The following DCTN1 variants were observed in gnomAD, a reference collection of about 807,000 sequenced individuals.
DCTN1 encodes 150 kDa dynein-associated polypeptide.
DCTN1 carries 61 observed loss-of-function variants against 161.2 expected under a neutral mutation model. The ratio of observed to expected loss-of-function variants is 0.38; its 90% CI spans 0.31 to 0.47. DCTN1 has a LOEUF of 0.47. DCTN1 is among the 20% of genes least tolerant of loss of function. The pLI is 0.99. For missense variants in DCTN1, 1,404 were observed against 1,623.7 expected (o/e 0.86, Z 2.33); for synonymous variants, 653 against 632.4 (o/e 1.03, Z -0.49).
Position 74,380,234 on chromosome 2 carries a change from G to A in DCTN1, c.-197C>T. 4.6e-6 allele frequency: 3 copies of A among 658,430 alleles called. No individual in the cohort carries two copies. The highest frequency in any genetic ancestry group is 2.2e-5 in the Admixed American group (1 of 45,428). The allele number at this position is 658,430 out of a possible 1,614,324, so 40.8% of individuals were successfully genotyped here. On this transcript the variant is annotated 5_prime_UTR_variant, in exon 1 of 32. Transcript: ENST00000628224. ...TGGGGGCAGTGATGGGGGCTGAGGA[G>A]CAAGTCCCCTCTGCTGCCTGAGGAT...
intron 5 of DCTN1, chr2:74,374,597 C>A (rs752169376): frequency 1.2e-5 from 15 of 1,275,140 alleles, no homozygotes; most frequent in African/African-American, 1.5e-5. Flanking sequence ...GCAGCTGGAT[C>A]GCCAGGCTCC....
In DCTN1 at chr2:74,388,067, A is replaced by G. The variant is rs1054448953; in HGVS notation, c.-19+3727T>C. 2.6e-5 allele frequency among the ~76,000 whole-genome samples: 4 copies of G among 152,154 alleles called. No individual in the cohort carries two copies. In the East Asian group the frequency reaches 5.8e-4, roughly 22 times the overall value. On this transcript the variant is annotated intron_variant, in intron 1 of 27. Transcript: ENST00000409240. Reference sequence around the variant, plus strand: ...GGGTGTGGTGGTGGTGCATGCCTATAGTACCAGTTACTCAGGAGGCTAAGT... The same window carrying G: ...GGGTGTGGTGGTGGTGCATGCCTATGGTACCAGTTACTCAGGAGGCTAAGT...
chr2:74,365,630 G>A lies in DCTN1; in HGVS notation c.2914C>T (p.Arg972Trp), dbSNP rs756183069. 2 of 1,613,978 alleles carry A rather than the reference G, an allele frequency of 1.2e-6. No individual in the cohort carries two copies. ...KGEELSEANV[R>W]LSLLEKKLDS... Reference sequence around the variant, plus strand: ...AACTTCTTCTCCAGGAGGCTCAGCCGCACATTGGCCTCACTTAGCTCCTCT... The same window carrying A: ...AACTTCTTCTCCAGGAGGCTCAGCCACACATTGGCCTCACTTAGCTCCTCT... Residue 972 changes from arginine (R) to tryptophan (W), a missense_variant, in exon 25 of 32, where the codon CGG (arginine) becomes TGG (tryptophan). Physicochemically the swap from Arg to Trp is moderately radical, Grantham distance 101. Transcript: ENST00000628224.
rs1320683363 is a variant in DCTN1 at position 74,366,577 on chromosome 2, A to G, written c.2510T>C (p.Val837Ala). Residue 837 changes from valine to alanine, a missense_variant, in exon 22 of 32, where the codon GTC becomes GCC. Coordinates refer to ENST00000628224, the MANE Select transcript of DCTN1 (RefSeq NM_004082.5). ...TGCCACCTCCTGCAGCACAGCCACG[A>G]CCCACGTCAAGTGTTTCCTGCAGTC... ...LLDCRKHLTWVVAVLQEVAAA... is the reference protein window; with the variant it reads ...LLDCRKHLTWAVAVLQEVAAA... 2 of 1,613,278 alleles carry G rather than the reference A, an allele frequency of 1.2e-6. No individual in the cohort carries two copies. Among genetic ancestry groups the G allele is most frequent in the Admixed American group, 3.3e-5 (2 of 60,002 alleles).
Position 74,361,161 on chromosome 2 carries a change from A to T in DCTN1, c.*338T>A, listed in dbSNP as rs562207772. 2.3e-6 allele frequency: 1 copy of T among 428,874 alleles called. No individual in the cohort carries two copies. The highest frequency in any genetic ancestry group is 1.9e-5 in the South Asian group (1 of 53,684). The allele number at this position is 428,874 out of a possible 1,614,324, so 26.6% of individuals were successfully genotyped here. A position where few individuals can be genotyped will look rare whatever the true frequency, so the allele number is the denominator to read the frequency against. Reference sequence around the variant, plus strand: ...CTCAACACCACACAGGAAGCACTGAAGCAGAAGTTGCTTTAATCAAGGGGT... The same window carrying T: ...CTCAACACCACACAGGAAGCACTGATGCAGAAGTTGCTTTAATCAAGGGGT... On this transcript the variant is annotated 3_prime_UTR_variant, in exon 32 of 32. Coordinates refer to ENST00000628224, the MANE Select transcript of DCTN1 (RefSeq NM_004082.5).
chr2:74,379,935 A>G, intron 1 of DCTN1, 70 bp downstream of exon 1: 1 of 1,502,078 alleles, frequency 6.7e-7, no homozygotes, highest in South Asian at 1.1e-5. Flanking sequence ...CCCCCACAGC[A>G]ATGATGTCCA....
Position 74,370,703 on chromosome 2 carries a change from C to G in DCTN1, c.966G>C (p.Gln322His), listed in dbSNP as rs1674773970. 1 of 1,614,116 alleles carries G rather than the reference C, an allele frequency of 6.2e-7. No homozygotes were observed. Among genetic ancestry groups the G allele is most frequent in the African/African-American group, 1.3e-5 (1 of 74,936 alleles). ...GCTCCTTCAGTGCCTCCACCTCCTG[C>G]TGCAGGGACTCAGCCCGCTCTTCAG... Reference protein sequence around the residue: ...EMAEERAESLQQEVEALKERV... With the variant: ...EMAEERAESLHQEVEALKERV... The change falls in exon 10 of 32, where the codon CAG becomes CAC. Residue 322 changes from glutamine to histidine, a missense_variant. Transcript: ENST00000628224. This position sits in a 1 kb window ranked among gnomAD's most constrained non-coding sequence, Gnocchi z 4.4.
chr2:74,375,941 T>C (rs957046393), intron 5 of DCTN1, among the ~76,000 whole-genome samples: 3 of 152,082 alleles, frequency 2.0e-5, no homozygotes, highest in Admixed American at 1.3e-4. Context: ...GACAAGGAAA[T>C]CACAGAATTG....
intron 30 of DCTN1, 83 bp downstream of exon 30, chr2:74,362,567 G>A: frequency 7.0e-7 from 1 of 1,426,100 alleles, no homozygotes; most frequent in Non-Finnish European, 9.7e-7. Context: ...CTAGCACAGG[G>A]CTGGGCTCAG....
At chr2:74,380,316 T>C, upstream of DCTN1, 1 of 569,208 alleles carries the variant, frequency 1.8e-6, no homozygotes, top group Non-Finnish European at 3.3e-6. Flanking sequence ...CACTCTGCGC[T>C]AGTGCTGCTC....
At position 74,366,009 on chromosome 2, in the gene DCTN1, C is replaced by T; in HGVS notation, c.2770G>A (p.Val924Ile). The change falls in exon 24 of 32, where the codon GTT becomes ATT. Residue 924 changes from valine (V) to isoleucine (I), a missense_variant. Val to Ile is a conservative substitution (Grantham distance 29). Around this residue, in one of 9 missense-constraint regions of DCTN1, gnomAD observed 475 missense variants for 489.8 expected, o/e 0.97. Transcript: ENST00000628224. Reference sequence around the variant, plus strand: ...CGAAGGGCAGCAGCCCGCAGTTCAACCGGTGGAGGCTAAGGAATGGTCGGT... The same window carrying T: ...CGAAGGGCAGCAGCCCGCAGTTCAATCGGTGGAGGCTAAGGAATGGTCGGT... Reference protein sequence around the residue: ...AERPPSKPPPVELRAAALRAE... With the variant: ...AERPPSKPPPIELRAAALRAE... The T allele has an allele frequency of 6.2e-7, 1 of 1,614,254 alleles. No individual in the cohort carries two copies. The highest frequency in any genetic ancestry group is 8.5e-7 in the Non-Finnish European group (1 of 1,180,050).
chr2:74,377,588 G>C (rs1325768041), intron 3 of DCTN1, 60 bp downstream of exon 3: 1 of 1,541,428 alleles, frequency 6.5e-7, no homozygotes, highest in Non-Finnish European at 9.0e-7. Context: ...ATGTTATGAG[G>C]AGAAGTCCTG....
intron 6 of DCTN1, 42 bp from the exon 7 acceptor site, chr2:74,372,990 G>C: frequency 6.2e-7 from 1 of 1,603,456 alleles, no homozygotes; most frequent in South Asian, 1.1e-5. Context: ...AGTCAGGAAA[G>C]AAAGGACAAT....
intron 5 of DCTN1, among the ~76,000 whole-genome samples, chr2:74,375,076 C>CT (rs1675146645): frequency 6.6e-6 from 1 of 151,618 alleles, no homozygotes; most frequent in African/African-American, 2.4e-5. Context: ...CCCTTACAGT[C>CT]TCTCATCTGG....
At position 74,366,724 on chromosome 2, in the gene DCTN1, T is replaced by A; in HGVS notation, c.2466+59A>T. The A allele has an allele frequency of 3.1e-6, 5 of 1,614,224 alleles. No individual in the cohort carries two copies. The South Asian group carries it at 5.5e-5, about 18-fold the overall frequency. On this transcript the variant is annotated intron_variant, in intron 21 of 31. Transcript: ENST00000628224. ...CCCTAACCAGATCCAGATCTTCAAG[T>A]GCTATACCCTTCATGTTTCTACTCA...
chr2:74,369,656 T>C lies in DCTN1; in HGVS notation c.1393-165A>G, dbSNP rs1674686262. 6.6e-6 allele frequency among the ~76,000 whole-genome samples: 1 copy of C among 151,684 alleles called. No homozygotes were observed. The highest frequency in any genetic ancestry group is 1.5e-5 in the Non-Finnish European group (1 of 67,902). ...GGTGAAACCCCATCTCTACTAAAAA[T>C]ACAAAAATTAGCTGGGTATGGTGGC... On this transcript the variant is annotated intron_variant, in intron 13 of 31. Coordinates refer to ENST00000628224, the MANE Select transcript of DCTN1 (RefSeq NM_004082.5). The surrounding 1 kb of genome is among the most constrained non-coding windows in gnomAD (Gnocchi z 4.9).
chr2:74,362,641 T>G lies in DCTN1; in HGVS notation c.3609+9A>C, dbSNP rs905504083. The G allele has an allele frequency of 1.2e-6, 2 of 1,613,308 alleles. No individual in the cohort carries two copies. The highest frequency in any genetic ancestry group is 1.7e-6 in the Non-Finnish European group (2 of 1,179,792). ...GTGAAGTGAGCTCTGCCTGGCAAAC[T>G]GAGCTGACCTTGAGCTTCTCGACGG... is the stretch of plus-strand genomic sequence containing the variant. On this transcript the variant is annotated intron_variant, in intron 30 of 31. Coordinates refer to ENST00000628224, the MANE Select transcript of DCTN1 (RefSeq NM_004082.5).
At chr2:74,362,797 AG>A (rs1674112038) in intron 29 of DCTN1, 68 bp from the exon 30 acceptor site, 1 of 1,482,450 alleles carries the variant, frequency 6.7e-7, no homozygotes, top group East Asian at 2.3e-5. Context: ...ATTAAGGGTT[AG>A]GGGTGCAGGT....
chr2:74,377,532 G>A (rs369379729), intron 3 of DCTN1, 66 bp from the exon 4 acceptor site: 2 of 1,538,260 alleles, frequency 1.3e-6, no homozygotes, highest in South Asian at 2.2e-5. Flanking sequence ...TATAATAAGG[G>A]AATATGGTAG....
Sources: allele counts gnomAD v4.1 joint callset (sites outside exome capture counted in the v4.1 genomes callset), GRCh38; gene constraint gnomAD v4.1.1; regional missense constraint gnomAD v4.1.1; non-coding constraint Gnocchi (gnomAD v3.1); transcripts MANE v1.5; gene names NCBI Gene and HGNC (gene_info 2026-07-23, HGNC 2026-07-21).